Variants in RBFOX1 observed in about 807,000 individuals in gnomAD.
RBFOX1 encodes the protein RNA binding protein fox-1 homolog 1.
In RBFOX1, 8 loss-of-function variants were observed where a neutral mutation model predicts 57.7. That is an observed-to-expected ratio of 0.14 (90% CI 0.08 to 0.25). RBFOX1 has a LOEUF of 0.25. Among genes scored for constraint, RBFOX1 ranks in the 10% least tolerant of loss-of-function variants. RBFOX1 has a pLI of 1.00. For synonymous variants in RBFOX1, 326 were observed against 222.4 expected (o/e 1.47, Z -4.15); for missense variants, 611 against 548.5 (o/e 1.11, Z -1.14).
chr16:5,808,909 G>A (rs1046036862), intron 3 of RBFOX1, among the ~76,000 whole-genome samples: 2 of 152,080 alleles, frequency 1.3e-5, no homozygotes, highest in Non-Finnish European at 2.9e-5. Flanking sequence ...AATACCCTTT[G>A]TTTCCTTCTC....
intron 4 of RBFOX1, among the ~76,000 whole-genome samples, chr16:7,444,574 C>T (rs1337976178): frequency 6.6e-6 from 1 of 151,996 alleles, no homozygotes; most frequent in African/African-American, 2.4e-5. Context: ...GCTGTGTCTC[C>T]CAAGCTAGAC....
chr16:7,251,948 C>A (rs2094514068), intron 4 of RBFOX1, among the ~76,000 whole-genome samples: 1 of 152,054 alleles, frequency 6.6e-6, no homozygotes, highest in African/African-American at 2.4e-5. Context: ...ATTTGCATTC[C>A]CACCAACAGT....
chr16:7,142,452 C>G (rs2074025654), intron 4 of RBFOX1, among the ~76,000 whole-genome samples: 1 of 152,180 alleles, frequency 6.6e-6, no homozygotes, highest in Admixed American at 6.5e-5. Context: ...GCAGGCGACT[C>G]TGGCTTCCTG....
intron 2 of RBFOX1, among the ~76,000 whole-genome samples, chr16:6,569,407 A>G (rs1157278859): frequency 2.0e-5 from 3 of 152,168 alleles, no homozygotes; most frequent in Admixed American, 1.3e-4. Context: ...TGCCAGACTA[A>G]GGGCACTTAG....
In RBFOX1 at chr16:7,332,027, AAT is replaced by A. The variant is rs534130431; in HGVS notation, c.28-186115_28-186114del. On this transcript the variant is annotated intron_variant, in intron 4 of 15. Coordinates refer to ENST00000550418, the MANE Select transcript of RBFOX1 (RefSeq NM_018723.4). ...ATCTCTTGTTAATGTATTGCATATT[AAT>A]ATATCACAGATGAAAGCTCAAAATA... 4.6e-4 allele frequency among the ~76,000 whole-genome samples: 70 copies of A among 152,326 alleles called. 1 individual carries two copies. Among genetic ancestry groups the A allele is most frequent in the Admixed American group, 1.8e-3 (28 of 15,294 alleles).
At chr16:7,587,449 A>G in intron 7 of RBFOX1, 149 bp downstream of exon 7, 1 of 806,824 alleles carries the variant, frequency 1.2e-6, no homozygotes, top group Middle Eastern at 2.8e-4. Flanking sequence ...CGTTTTCAAA[A>G]TGGTGGGAAA....
At position 6,780,586 on chromosome 16, in the gene RBFOX1, A is replaced by T. The variant is rs540504832; in HGVS notation, c.-16+125936A>T. On this transcript the variant is annotated intron_variant, in intron 3 of 15. Coordinates refer to ENST00000550418, the MANE Select transcript of RBFOX1 (RefSeq NM_018723.4). Reference sequence around the variant, plus strand: ...TTTATATATATTTATATATATATTTATATATATATTTCTTTTTTGTTTTTT... The same window carrying T: ...TTTATATATATTTATATATATATTTTTATATATATTTCTTTTTTGTTTTTT... Among the ~76,000 whole-genome samples, 4 of 138,728 alleles carry T rather than the reference A, an allele frequency of 2.9e-5. 1 individual carries two copies. The South Asian group carries it at 8.7e-4, about 30-fold the overall frequency. 91.0% of individuals were successfully genotyped at this position (138,728 alleles called of 152,430 possible). A position where few individuals can be genotyped will look rare whatever the true frequency, so the allele number is the denominator to read the frequency against.
intron 1 of RBFOX1, among the ~76,000 whole-genome samples, chr16:6,186,566 T>G (rs1027665685): frequency 6.6e-6 from 1 of 152,086 alleles, no homozygotes; most frequent in African/African-American, 2.4e-5. Context: ...AACTGGACAT[T>G]GCCCTAGCTT....
intron 4 of RBFOX1, among the ~76,000 whole-genome samples, chr16:5,948,671 C>G (rs2059454163): frequency 6.6e-6 from 1 of 152,140 alleles, no homozygotes; most frequent in South Asian, 2.1e-4. Context: ...CCAGCAGCAA[C>G]AAGAAACCGG....
intron 3 of RBFOX1, among the ~76,000 whole-genome samples, chr16:6,770,536 C>G (rs1403776768): frequency 1.3e-5 from 2 of 152,126 alleles, no homozygotes; most frequent in South Asian, 2.1e-4. Context: ...CTTTCTGCCC[C>G]TTTACGGAAG....
intron 4 of RBFOX1, among the ~76,000 whole-genome samples, chr16:7,402,767 A>T (rs77114347): frequency 0.079 from 11,971 of 152,168 alleles, 544 homozygotes; most frequent in East Asian, 0.19. Flanking sequence ...CCTTAATCCC[A>T]TTTGATAGGA....
chr16:6,527,206 C>G (rs577942192), intron 2 of RBFOX1, among the ~76,000 whole-genome samples: 10 of 152,294 alleles, frequency 6.6e-5, no homozygotes, highest in South Asian at 6.2e-4. Context: ...TACCTATGAT[C>G]TCTGACTCCA....
At chr16:5,822,462 A>G (rs2055889915) in intron 3 of RBFOX1, among the ~76,000 whole-genome samples, 1 of 152,194 alleles carries the variant, frequency 6.6e-6, no homozygotes, top group South Asian at 2.1e-4. Flanking sequence ...AATAAAAAAT[A>G]AAAAGTTATT....
At chr16:6,807,689 G>C (rs1050717963) in intron 3 of RBFOX1, among the ~76,000 whole-genome samples, 1 of 152,110 alleles carries the variant, frequency 6.6e-6, no homozygotes, top group Non-Finnish European at 1.5e-5. Flanking sequence ...GGTGGCAGAC[G>C]CCTGTAATCG....
At chr16:7,357,021 G>C (rs559580497) in intron 4 of RBFOX1, among the ~76,000 whole-genome samples, 1 of 152,160 alleles carries the variant, frequency 6.6e-6, no homozygotes, top group Non-Finnish European at 1.5e-5. Flanking sequence ...CCAGCAGAAA[G>C]CTTTTGGGCT....
At chr16:6,489,878 G>A (rs992552429) in intron 2 of RBFOX1, among the ~76,000 whole-genome samples, 4 of 152,306 alleles carry the variant, frequency 2.6e-5, no homozygotes, top group East Asian at 1.9e-4. Flanking sequence ...TTTGCAGGAT[G>A]AGTGATCTCC....
intron 4 of RBFOX1, among the ~76,000 whole-genome samples, chr16:5,973,469 A>G (rs1477369552): frequency 1.3e-5 from 2 of 152,190 alleles, no homozygotes; most frequent in Non-Finnish European, 2.9e-5. Flanking sequence ...TAGCAGTAAA[A>G]TGGGGATAAT....
intron 2 of RBFOX1, among the ~76,000 whole-genome samples, chr16:6,515,469 A>G (rs920061420): frequency 2.6e-5 from 4 of 152,184 alleles, no homozygotes; most frequent in African/African-American, 9.7e-5. Context: ...AGACATAACT[A>G]ATATGCTGTC....
At chr16:5,674,036 A>G (rs927650755) in intron 3 of RBFOX1, among the ~76,000 whole-genome samples, 2 of 152,170 alleles carry the variant, frequency 1.3e-5, no homozygotes, top group Non-Finnish European at 2.9e-5. Flanking sequence ...TATAAATACC[A>G]TGTTGCCATT....
Sources: allele counts gnomAD v4.1 joint callset (sites outside exome capture counted in the v4.1 genomes callset), GRCh38; gene constraint gnomAD v4.1.1; transcripts MANE v1.5; gene names NCBI Gene and HGNC (gene_info 2026-07-23, HGNC 2026-07-21).